LEKR1: variants seen among roughly 807,000 people sequenced by gnomAD.
LEKR1 encodes protein LEKR1.
A neutral mutation model predicts 72.4 loss-of-function variants in LEKR1; 59 were observed. That is an observed-to-expected ratio of 0.82 (90% confidence interval 0.66 to 1.01). The LOEUF is 1.01. Among genes scored for constraint, LEKR1 ranks in the 50% least tolerant of loss-of-function variants. LEKR1 has a pLI of 0.00. For missense variants in LEKR1, 728 were observed against 759.2 expected, an observed-to-expected ratio of 0.96 and a Z score of 0.48; for synonymous variants, 257 against 263.2, an observed-to-expected ratio of 0.98 and a Z score of 0.23.
Position 156,902,304 on chromosome 3 carries a change from CTT to C in LEKR1, c.264-18270_264-18269del, listed in dbSNP as rs767872036. The stretch of plus-strand genomic sequence containing the variant: ...CCCTTAATATCACTTCATAAAATAA[CTT>C]ATATTAATTTTTAGGAATCAGTCTC... On this transcript the variant is annotated intron_variant, in intron 3 of 12. Coordinates refer to ENST00000356539, the MANE Select transcript of LEKR1 (RefSeq NM_001004316.3). Among the ~76,000 whole-genome samples the C allele has an allele frequency of 5.9e-5, 9 of 152,096 alleles. No individual in the cohort carries two copies. The East Asian group carries it at 9.7e-4, about 16-fold the overall frequency.
chr3:156,937,999 G>A (rs1725872089), intron 5 of LEKR1, among the ~76,000 whole-genome samples: 1 of 151,922 alleles, frequency 6.6e-6, no homozygotes, highest in South Asian at 2.1e-4. Flanking sequence ...GTGGTAGCCA[G>A]GGATTAGGGA....
At chr3:157,021,225 AG>A (rs1733810771) in intron 10 of LEKR1, among the ~76,000 whole-genome samples, 1 of 151,950 alleles carries the variant, frequency 6.6e-6, no homozygotes, top group Non-Finnish European at 1.5e-5. Context: ...CCCATTTTAT[AG>A]GTTGCCTGTT....
chr3:156,873,546 G>C (rs901068275), intron 3 of LEKR1, among the ~76,000 whole-genome samples: 1 of 151,756 alleles, frequency 6.6e-6, no homozygotes, highest in Non-Finnish European at 1.5e-5. Flanking sequence ...TAATCTTTGA[G>C]TTTGTATCTC....
chr3:156,920,626 A>G lies in LEKR1; in HGVS notation c.315A>G (p.Lys105=), dbSNP rs1352851591. 2 of 1,465,620 alleles carry G rather than the reference A, an allele frequency of 1.4e-6. No homozygotes were observed. The highest frequency in any genetic ancestry group is 2.5e-5 in the South Asian group (2 of 79,416). 90.8% of individuals were successfully genotyped at this position (1,465,620 alleles called of 1,614,324 possible). A position where few individuals can be genotyped will look rare whatever the true frequency, so the allele number is the denominator to read the frequency against. ...QLKSQQNEFQ[K]VKKQLSHLQD... ...AAAGTCAACAAAATGAATTTCAGAA[A>G]GTAAAGAAACAACTGAGTCATTTGC... Residue 105 remains lysine, a synonymous_variant, in exon 4 of 13, where the codon AAA becomes AAG. Transcript: ENST00000356539.
chr3:156,931,105 G>A (rs932377720), intron 5 of LEKR1, among the ~76,000 whole-genome samples: 8 of 152,110 alleles, frequency 5.3e-5, no homozygotes, highest in African/African-American at 1.9e-4. Flanking sequence ...GAAGCTATCA[G>A]TATGAAAATG....
chr3:157,028,420 G>A lies in LEKR1; in HGVS notation c.1668+18G>A. ...AGGAAGAGGTAGGAAGCAGATAGTGGTAACTTTGCAATTAATCAAAGAGCA... is the reference window on the plus strand; with the variant it reads ...AGGAAGAGGTAGGAAGCAGATAGTGATAACTTTGCAATTAATCAAAGAGCA... On this transcript the variant is annotated intron_variant, in intron 12 of 12. Coordinates refer to ENST00000356539, the MANE Select transcript of LEKR1 (RefSeq NM_001004316.3). The A allele has an allele frequency of 6.4e-7, 1 of 1,551,206 alleles. No individual in the cohort carries two copies. The highest frequency in any genetic ancestry group is 8.7e-7 in the Non-Finnish European group (1 of 1,151,218).
intron 3 of LEKR1, among the ~76,000 whole-genome samples, chr3:156,896,601 G>A (rs1333165769): frequency 6.6e-6 from 1 of 152,322 alleles, no homozygotes; most frequent in East Asian, 1.9e-4. Context: ...ATACACTGCT[G>A]TAGAAATGTA....
intron 5 of LEKR1, among the ~76,000 whole-genome samples, chr3:156,935,189 C>G (rs1725583761): frequency 6.6e-6 from 1 of 152,138 alleles, no homozygotes; most frequent in South Asian, 2.1e-4. Flanking sequence ...ACTTTTGCCT[C>G]AGAAGCTCAA....
intron 6 of LEKR1, chr3:156,977,762 T>G (rs1235653189): frequency 4.3e-6 from 1 of 233,682 alleles, no homozygotes; most frequent in Non-Finnish European, 9.1e-6. Flanking sequence ...GTGCCTGGAC[T>G]GTAACCACAG....
intron 6 of LEKR1, among the ~76,000 whole-genome samples, chr3:156,959,564 T>A (rs866048291): frequency 6.6e-6 from 1 of 152,126 alleles, no homozygotes; most frequent in African/African-American, 2.4e-5. Context: ...CACTCTGCCT[T>A]TTTTTCTTCA....
At chr3:157,015,279 G>C (rs922962216) in intron 10 of LEKR1, among the ~76,000 whole-genome samples, 1 of 152,112 alleles carries the variant, frequency 6.6e-6, no homozygotes, top group Non-Finnish European at 1.5e-5. Flanking sequence ...GAACACTGGC[G>C]ATCTACAAAA....
At chr3:156,942,961 G>A (rs1278240602) in intron 6 of LEKR1, among the ~76,000 whole-genome samples, 2 of 151,904 alleles carry the variant, frequency 1.3e-5, no homozygotes, top group African/African-American at 4.8e-5. Flanking sequence ...CAACTGCAAC[G>A]TAAGATTTCA....
intron 7 of LEKR1, among the ~76,000 whole-genome samples, chr3:156,992,323 T>C (rs1236156874): frequency 2.0e-5 from 3 of 152,212 alleles, no homozygotes; most frequent in Non-Finnish European, 4.4e-5. Context: ...CCCCATGCTG[T>C]CACCTCATTC....
chr3:156,958,526 C>A (rs1315313021), intron 6 of LEKR1, among the ~76,000 whole-genome samples: 4 of 152,134 alleles, frequency 2.6e-5, no homozygotes, highest in Non-Finnish European at 4.4e-5. Context: ...TGCTCCCTTC[C>A]TACCACCTAT....
At chr3:156,859,587 C>G (rs1716516505) in intron 3 of LEKR1, among the ~76,000 whole-genome samples, 1 of 152,118 alleles carries the variant, frequency 6.6e-6, no homozygotes, top group Non-Finnish European at 1.5e-5. Context: ...TACATTGACA[C>G]ATCATCATCA....
chr3:156,867,339 C>G (rs114397093), intron 3 of LEKR1, among the ~76,000 whole-genome samples: 1 of 151,898 alleles, frequency 6.6e-6, no homozygotes, highest in Non-Finnish European at 1.5e-5. Context: ...TGGAACTGTC[C>G]TAGGACTTAT....
chr3:156,932,728 A>G (rs1725349111), intron 5 of LEKR1, among the ~76,000 whole-genome samples: 3 of 137,838 alleles, frequency 2.2e-5, no homozygotes, highest in Admixed American at 7.4e-5. Flanking sequence ...AAAAAAGGGT[A>G]TCTATGTTAT....
At chr3:156,868,131 C>G (rs1420592846) in intron 3 of LEKR1, among the ~76,000 whole-genome samples, 1 of 151,956 alleles carries the variant, frequency 6.6e-6, no homozygotes, top group Non-Finnish European at 1.5e-5. Context: ...AATATGCCTC[C>G]CGGCATTTCA....
chr3:156,985,352 C>G (rs962942809), intron 7 of LEKR1, among the ~76,000 whole-genome samples: 4 of 152,070 alleles, frequency 2.6e-5, no homozygotes, highest in African/African-American at 9.7e-5. Context: ...AAGGAGCTAG[C>G]CATGATTACA....
Sources: gnomAD v4.1 joint callset for allele counts (sites outside exome capture counted in the v4.1 genomes callset) on GRCh38, gnomAD v4.1.1 for gene constraint, MANE v1.5 for transcripts, NCBI Gene and HGNC (gene_info 2026-07-23, HGNC 2026-07-21) for gene names.